Variants in ZC3H12B observed in about 807,000 individuals in gnomAD.
ZC3H12B encodes the protein zinc finger CCCH-type containing 12B.
Under a neutral mutation model 43.9 loss-of-function variants are expected in ZC3H12B, and 7 were observed. The observed-to-expected ratio is 0.16, with a 90% CI of 0.09 to 0.30. The LOEUF is 0.30. Ranked by LOEUF, ZC3H12B falls within the 10% of genes least tolerant of loss-of-function variation. The pLI is 1.00. For missense variants in ZC3H12B, 475 were observed against 670.2 expected, an observed-to-expected ratio of 0.71 and a Z score of 3.22; for synonymous variants, 222 against 241.7, an observed-to-expected ratio of 0.92 and a Z score of 0.76.
chrX:65,347,246 G>C, the ZC3H12B span, among the ~76,000 whole-genome samples: 12 of 111,506 alleles, frequency 1.1e-4, 1 homozygote, highest in South Asian at 1.9e-3. Flanking sequence ...CAAACAAACA[G>C]AAAGGAAGAG....
chrX:65,219,845 CACACACAA>C, the ZC3H12B span, among the ~76,000 whole-genome samples: 31 of 109,386 alleles, frequency 2.8e-4, no homozygotes, highest in South Asian at 0.01. Context: ...CACACACACA[CACACACAA>C]AACACCTGGG....
intron 2 of ZC3H12B, among the ~76,000 whole-genome samples, chrX:65,385,653 T>G (rs985503157): frequency 4.5e-5 from 5 of 111,739 alleles, no homozygotes; most frequent in Admixed American, 9.6e-5. Context: ...TCCTGCATGA[T>G]TGCTCTGGCC....
the ZC3H12B span, among the ~76,000 whole-genome samples, chrX:65,287,392 C>A: frequency 9.0e-6 from 1 of 111,440 alleles, no homozygotes; most frequent in Non-Finnish European, 1.9e-5. Context: ...AATTGGGAAG[C>A]TATACAAGCA....
chrX:65,166,082 C>A, the ZC3H12B span, among the ~76,000 whole-genome samples: 9 of 110,893 alleles, frequency 8.1e-5, no homozygotes, highest in African/African-American at 3.0e-4. Flanking sequence ...TTCTAGGGTA[C>A]ATGTGCACAA....
the ZC3H12B span, among the ~76,000 whole-genome samples, chrX:65,056,953 A>G: frequency 1.8e-5 from 2 of 111,443 alleles, no homozygotes; most frequent in African/African-American, 6.5e-5. Flanking sequence ...ACCTTCCTCC[A>G]TCCCTTTATT....
chrX:65,362,811 T>G (rs188347463), upstream of ZC3H12B, among the ~76,000 whole-genome samples: 1 of 111,271 alleles, frequency 9.0e-6, no homozygotes, highest in Non-Finnish European at 1.9e-5. Context: ...TTCCAAAAAC[T>G]AGACAAGCCT....
chrX:65,418,454 A>G (rs1319157064), intron 3 of ZC3H12B, among the ~76,000 whole-genome samples: 1 of 111,431 alleles, frequency 9.0e-6, no homozygotes, highest in Non-Finnish European at 1.9e-5. Context: ...AAGAGTGGGA[A>G]CTGCAGTAAC....
intron 2 of ZC3H12B, among the ~76,000 whole-genome samples, chrX:65,398,080 A>T (rs1210042591): frequency 1.8e-5 from 2 of 111,813 alleles, no homozygotes; most frequent in African/African-American, 3.2e-5. Flanking sequence ...CAAAGAAGTG[A>T]ATTTTTTTTT....
chrX:65,188,841 A>G, the ZC3H12B span, among the ~76,000 whole-genome samples: 2 of 106,522 alleles, frequency 1.9e-5, no homozygotes, highest in African/African-American at 3.4e-5. Context: ...ACATGTGCAC[A>G]TTGTGCAGGT....
the ZC3H12B span, among the ~76,000 whole-genome samples, chrX:65,067,182 T>C: frequency 4.1e-5 from 4 of 98,348 alleles, no homozygotes; most frequent in African/African-American, 1.5e-4. Flanking sequence ...GGGGCCACTC[T>C]GTTAAAAAAA....
At chrX:65,118,803 C>G in the ZC3H12B span, among the ~76,000 whole-genome samples, 1 of 79,245 alleles carries the variant, frequency 1.3e-5, no homozygotes, top group Non-Finnish European at 2.4e-5. Flanking sequence ...CCTCCCCACC[C>G]CCCACCCCAC....
chrX:65,373,908 G>GTATATATATATAGT (rs1491194188), intron 2 of ZC3H12B, among the ~76,000 whole-genome samples: 4,293 of 5,766 alleles, frequency 0.74, 1,550 homozygotes, highest in African/African-American at 0.84. Context: ...TATATATATA[G>GTATATATATATAGT]TTATATATAT....
the ZC3H12B span, among the ~76,000 whole-genome samples, chrX:65,117,679 G>GT: frequency 8.9e-6 from 1 of 111,739 alleles, no homozygotes; most frequent in Non-Finnish European, 1.9e-5. Context: ...TTCTTCTAGG[G>GT]TTTTTATGCT....
At chrX:65,062,085 T>G in the ZC3H12B span, among the ~76,000 whole-genome samples, 6 of 112,413 alleles carry the variant, frequency 5.3e-5, no homozygotes, top group Admixed American at 5.6e-4. Flanking sequence ...ATGGATAGAT[T>G]GCAAAATTTT....
chrX:65,373,934 T>C (rs1267603439), intron 2 of ZC3H12B, among the ~76,000 whole-genome samples: 3 of 40,597 alleles, frequency 7.4e-5, no homozygotes, highest in Non-Finnish European at 1.0e-4. Context: ...ATATATATAG[T>C]ATATATATAT....
chrX:65,223,158 G>A, the ZC3H12B span, among the ~76,000 whole-genome samples: 2 of 111,533 alleles, frequency 1.8e-5, no homozygotes, highest in African/African-American at 6.5e-5. Context: ...TTCAACAAAT[G>A]GTATTGGGTA....
At chrX:65,271,383 C>G in the ZC3H12B span, 2 of 112,667 alleles carry the variant, frequency 1.8e-5, no homozygotes, top group Admixed American at 9.3e-5. Context: ...TTATTGAACT[C>G]AATGCTTATT....
At chrX:65,432,607 A>G (rs1222198999) in intron 3 of ZC3H12B, among the ~76,000 whole-genome samples, 1 of 111,990 alleles carries the variant, frequency 8.9e-6, no homozygotes, top group Non-Finnish European at 1.9e-5. Flanking sequence ...CCCATAAATG[A>G]ACCAGAATAA....
the ZC3H12B span, among the ~76,000 whole-genome samples, chrX:65,144,985 A>G: frequency 8.9e-6 from 1 of 111,869 alleles, no homozygotes; most frequent in Non-Finnish European, 1.9e-5. Flanking sequence ...AGTAAAGTCC[A>G]TTTGTTCCAG....
Sources: allele counts gnomAD v4.1 joint callset (sites outside exome capture counted in the v4.1 genomes callset), GRCh38; gene constraint gnomAD v4.1.1; transcripts MANE v1.5; gene names NCBI Gene and HGNC (gene_info 2026-07-23, HGNC 2026-07-21).